Variants in ABCC11 observed in about 807,000 individuals in gnomAD.
ABCC11 encodes ATP binding cassette subfamily C member 11, also known as ATP-binding cassette sub-family C member 11.
In ABCC11, 135 loss-of-function variants were observed where a neutral mutation model predicts 149.3. That is an observed-to-expected ratio of 0.90 (90% CI 0.79 to 1.04). ABCC11 has a LOEUF of 1.04. ABCC11 is among the 50% of genes least tolerant of loss of function. The pLI, the probability that ABCC11 is intolerant of heterozygous loss-of-function variation, is 0.00. For missense variants in ABCC11, 1,680 were observed against 1,722.1 expected (o/e 0.98, Z 0.43); for synonymous variants, 665 against 671.4 (o/e 0.99, Z 0.15).
chr16:48,232,199 C>T (rs1354665206), intron 1 of ABCC11: 2 of 605,922 alleles, frequency 3.3e-6, no homozygotes, highest in African/African-American at 3.7e-5. Context: ...ACACCGCACC[C>T]TTGATCCTGG....
intron 26 of ABCC11, among the ~76,000 whole-genome samples, chr16:48,172,626 T>C (rs528963773): frequency 6.6e-6 from 1 of 152,246 alleles, no homozygotes; most frequent in Non-Finnish European, 1.5e-5. Flanking sequence ...AATTGCCAAA[T>C]TGTTTTCCAT....
At chr16:48,223,265 G>A (rs1200194170) in intron 5 of ABCC11, among the ~76,000 whole-genome samples, 1 of 152,166 alleles carries the variant, frequency 6.6e-6, no homozygotes, top group African/African-American at 2.4e-5. Flanking sequence ...ACACAGAGAG[G>A]GTCTGGACAG....
At chr16:48,173,767 G>A (rs1448969454) in intron 26 of ABCC11, among the ~76,000 whole-genome samples, 2 of 152,150 alleles carry the variant, frequency 1.3e-5, no homozygotes, top group Non-Finnish European at 1.5e-5. Flanking sequence ...TGGGATTACA[G>A]ACATGCACCA....
rs754961101 is a variant in ABCC11 at position 48,192,619 on chromosome 16, G to T, written c.2607C>A (p.Asn869Lys). 5 of 1,614,160 alleles carry T rather than the reference G, an allele frequency of 3.1e-6. No homozygotes were observed. Among genetic ancestry groups the T allele is most frequent in the Non-Finnish European group, 4.2e-6 (5 of 1,180,018 alleles). ...CCCCCACACAGATGAGGAGCAGGGC[G>T]TTGAGCCCGTACACCAGCTGGTAGA... is the stretch of plus-strand genomic sequence containing the variant. The part of the protein sequence containing the change: ...LSFYQLVYGL[N>K]ALLLICVGVC... The change falls in exon 20 of 30, where the codon AAC (asparagine) becomes AAA (lysine). Residue 869 changes from asparagine (N) to lysine (K), a missense_variant. Physicochemically the swap from Asn to Lys is moderately conservative, Grantham distance 94. Coordinates refer to ENST00000356608, the MANE Select transcript of ABCC11 (RefSeq NM_001370497.1).
At chr16:48,245,339 T>C (rs74016323) in intron 1 of ABCC11, among the ~76,000 whole-genome samples, 1,878 of 152,328 alleles carry the variant, frequency 0.012, 42 homozygotes, top group African/African-American at 0.043. Flanking sequence ...CCTCGCCCTA[T>C]TGGTGTGACT....
At position 48,247,329 on chromosome 16, in the gene ABCC11, G is replaced by A. The variant is rs1301590847; in HGVS notation, c.-34C>T. On this transcript the variant is annotated 5_prime_UTR_variant, in exon 1 of 30. Coordinates refer to ENST00000356608, the MANE Select transcript of ABCC11 (RefSeq NM_001370497.1). ...CCCCAGTTACCTGCTTTTCTGTATG[G>A]TAGCCCAGAGGCCAGAAGAGGGGCT... 1 of 153,020 alleles carries A rather than the reference G, an allele frequency of 6.5e-6. No individual in the cohort carries two copies. Among genetic ancestry groups the A allele is most frequent in the Non-Finnish European group, 1.5e-5 (1 of 68,624 alleles). 9.5% of individuals were successfully genotyped at this position (153,020 alleles called of 1,614,324 possible). A position where few individuals can be genotyped will look rare whatever the true frequency, so the allele number is the denominator to read the frequency against.
chr16:48,239,561 C>CAAAAAAAAAAAAAAAAAAAAAAAAAA lies in ABCC11; in HGVS notation c.-18-7623_-18-7622insTTTTTTTTTTTTTTTTTTTTTTTTTT, dbSNP rs756121627. Among the ~76,000 whole-genome samples the CAAAAAAAAAAAAAAAAAAAAAAAAAA allele has an allele frequency of 4.2e-5, 2 of 47,196 alleles. 1 individual carries two copies. Among genetic ancestry groups the CAAAAAAAAAAAAAAAAAAAAAAAAAA allele is most frequent in the African/African-American group, 1.3e-4 (2 of 15,278 alleles). 31.0% of individuals were successfully genotyped at this position (47,196 alleles called of 152,430 possible). ...TAGGCAACAGAGCGAGACTGTGTCACAAAAAAAAAAAAAAAAAAAAAAAAA... is the reference window on the plus strand; with the variant it reads ...TAGGCAACAGAGCGAGACTGTGTCACAAAAAAAAAAAAAAAAAAAAAAAAAAAAAAAAAAAAAAAAAAAAAAAAAAA... On this transcript the variant is annotated intron_variant, in intron 1 of 29. Transcript: ENST00000356608.
intron 17 of ABCC11, among the ~76,000 whole-genome samples, chr16:48,197,086 A>G (rs1454642839): frequency 6.6e-6 from 1 of 152,142 alleles, no homozygotes; most frequent in East Asian, 1.9e-4. Context: ...GCACTTTGGG[A>G]GGCCGAGGTG....
chr16:48,196,469 A>G, intron 17 of ABCC11, 148 bp from the exon 18 acceptor site: 1 of 722,092 alleles, frequency 1.4e-6, no homozygotes, highest in Non-Finnish European at 2.3e-6. Flanking sequence ...GGAAGACTCT[A>G]CTGAAAGAAA....
intron 17 of ABCC11, 115 bp downstream of exon 17, chr16:48,197,856 G>T: frequency 9.2e-7 from 1 of 1,089,572 alleles, no homozygotes; most frequent in Non-Finnish European, 1.3e-6. Flanking sequence ...AAATGCTTAG[G>T]GTCTCAAGAC....
chr16:48,172,948 C>A (rs1238259349), intron 26 of ABCC11, among the ~76,000 whole-genome samples: 1 of 152,200 alleles, frequency 6.6e-6, no homozygotes, highest in Non-Finnish European at 1.5e-5. Flanking sequence ...CTGAGTGAAA[C>A]CTGTCAACCT....
At chr16:48,242,620 G>A (rs759779392) in intron 1 of ABCC11, among the ~76,000 whole-genome samples, 2 of 152,080 alleles carry the variant, frequency 1.3e-5, no homozygotes, top group Non-Finnish European at 1.5e-5. Flanking sequence ...GGCACTATTC[G>A]CAATAGCAAA....
intron 3 of ABCC11, among the ~76,000 whole-genome samples, chr16:48,229,413 T>G (rs1448929768): frequency 6.6e-6 from 1 of 151,420 alleles, no homozygotes; most frequent in African/African-American, 2.4e-5. Context: ...GAAAACATGT[T>G]GGAAATCAAC....
rs376627048 is a variant in ABCC11, at chr16:48,214,875, C to G, written c.1248+6G>C. On this transcript the variant is annotated splice_donor_region_variant and intron_variant, in intron 9 of 29. Coordinates refer to ENST00000356608, the MANE Select transcript of ABCC11 (RefSeq NM_001370497.1). ...GGGGAGAAAACAAAGCCCCCCAAAC[C>G]CTTACCATTGACGCTGTGAGTTTCA... 3 of 1,613,872 alleles carry G rather than the reference C, an allele frequency of 1.9e-6. No homozygotes were observed. Among genetic ancestry groups the G allele is most frequent in the Non-Finnish European group, 2.5e-6 (3 of 1,179,988 alleles).
chr16:48,170,829 G>A (rs1185167224), intron 27 of ABCC11, 60 bp downstream of exon 27: 5 of 1,488,258 alleles, frequency 3.4e-6, no homozygotes, highest in Non-Finnish European at 4.7e-6. Flanking sequence ...AGCCCCAAAG[G>A]GGCAGCCCCC....
At chr16:48,207,062 G>A (rs551056133) in intron 12 of ABCC11, among the ~76,000 whole-genome samples, 16 of 152,224 alleles carry the variant, frequency 1.1e-4, no homozygotes, top group Admixed American at 2.6e-4. Flanking sequence ...TAACATAACC[G>A]CATTCCAAGG....
chr16:48,184,448 C>G lies in ABCC11; in HGVS notation c.3250G>C (p.Val1084Leu), dbSNP rs553813897. 2.5e-6 allele frequency: 4 copies of G among 1,613,770 alleles called. No individual in the cohort carries two copies. In the East Asian group the frequency reaches 8.9e-5, roughly 36 times the overall value. ...YSFKVMAVNIVLQLASSFQAT... is the reference protein window; with the variant it reads ...YSFKVMAVNILLQLASSFQAT... ...CAGAGTCACCCCCTCACCTGCAGCACGATGTTGACAGCCATGACTTTAAAG... is the reference window on the plus strand; with the variant it reads ...CAGAGTCACCCCCTCACCTGCAGCAGGATGTTGACAGCCATGACTTTAAAG... The change falls in exon 23 of 30, where the codon GTG becomes CTG. Residue 1084 changes from valine to leucine, a missense_variant. By Grantham distance (32) the Val-to-Leu change is conservative. Coordinates refer to ENST00000356608, the MANE Select transcript of ABCC11 (RefSeq NM_001370497.1).
chr16:48,222,387 G>C (rs541938667), intron 6 of ABCC11, among the ~76,000 whole-genome samples: 1 of 152,186 alleles, frequency 6.6e-6, no homozygotes, highest in Non-Finnish European at 1.5e-5. Context: ...GTCTCTGAAT[G>C]TAAGTGGCAT....
chr16:48,206,012 G>A (rs145604300), intron 12 of ABCC11, among the ~76,000 whole-genome samples: 1,769 of 152,120 alleles, frequency 0.012, 32 homozygotes, highest in African/African-American at 0.04. Context: ...GGGTTTCACC[G>A]TGTTAGCCAG....
Sources: allele counts gnomAD v4.1 joint callset (sites outside exome capture counted in the v4.1 genomes callset), GRCh38; gene constraint gnomAD v4.1.1; transcripts MANE v1.5; gene names NCBI Gene and HGNC (gene_info 2026-07-23, HGNC 2026-07-21).